ITFG1: variants seen among roughly 807,000 people sequenced by gnomAD.
The protein encoded by ITFG1 is T-cell immunomodulatory protein.
Under a neutral mutation model 81.8 loss-of-function variants are expected in ITFG1, and 34 were observed. The ratio of observed to expected loss-of-function variants is 0.42; its 90% CI spans 0.32 to 0.55. The LOEUF is 0.55. Among genes scored for constraint, ITFG1 ranks in the 20% least tolerant of loss-of-function variants. The pLI is 0.17. For missense variants in ITFG1, 672 were observed against 755.4 expected, an observed-to-expected ratio of 0.89 and a Z score of 1.29; for synonymous variants, 285 against 270.6, an observed-to-expected ratio of 1.05 and a Z score of -0.52.
intron 8 of ITFG1, among the ~76,000 whole-genome samples, chr16:47,350,871 C>T (rs1018433663): frequency 1.3e-5 from 2 of 152,176 alleles, no homozygotes; most frequent in African/African-American, 4.8e-5. Flanking sequence ...CCACCATGAT[C>T]AAGTGGGCTT....
chr16:47,229,052 C>T (rs553328820), intron 13 of ITFG1, among the ~76,000 whole-genome samples: 1 of 152,248 alleles, frequency 6.6e-6, no homozygotes, highest in Admixed American at 6.5e-5. Flanking sequence ...TTTATTCATA[C>T]CTCAAATATT....
chr16:47,262,999 C>T (rs972422141), intron 10 of ITFG1: 6 of 186,192 alleles, frequency 3.2e-5, no homozygotes, highest in Non-Finnish European at 5.8e-5. Context: ...AACCCCTACC[C>T]GAAGCCATCA....
chr16:47,392,066 G>A (rs890162550), intron 6 of ITFG1, among the ~76,000 whole-genome samples: 2 of 152,168 alleles, frequency 1.3e-5, no homozygotes, highest in East Asian at 3.9e-4. Context: ...GTGTCCATGT[G>A]GGAGGGGTGT....
At chr16:47,206,206 C>G (rs1318405285) in intron 14 of ITFG1, among the ~76,000 whole-genome samples, 2 of 152,112 alleles carry the variant, frequency 1.3e-5, no homozygotes, top group Non-Finnish European at 2.9e-5. Flanking sequence ...TATTTACTAT[C>G]TAAGCTATAA....
chr16:47,264,832 GATGACAGCAGCTGAGTATTAC>G (rs1250246536), intron 10 of ITFG1, among the ~76,000 whole-genome samples: 1 of 152,058 alleles, frequency 6.6e-6, no homozygotes, highest in Non-Finnish European at 1.5e-5. Context: ...TTCTTCTGAT[GATGACAGCAGCTGAGTATTAC>G]ATTTATGTTT....
chr16:47,203,560 T>G (rs1053811632), intron 14 of ITFG1, among the ~76,000 whole-genome samples: 3 of 152,148 alleles, frequency 2.0e-5, no homozygotes, highest in African/African-American at 7.2e-5. Context: ...AGGCATAGAT[T>G]CTCATAAGGA....
rs368894179 is a variant in ITFG1, at chr16:47,349,557, C to A, written c.802+16231G>T. Among the ~76,000 whole-genome samples the A allele has an allele frequency of 5.3e-5, 8 of 150,132 alleles. No individual in the cohort carries two copies. The East Asian group carries it at 9.9e-4, about 19-fold the overall frequency. On this transcript the variant is annotated intron_variant, in intron 8 of 17. Transcript: ENST00000320640. ...CAATACAGGAGCACCCAGATTCATACAGCAAGTCCTTAGAGACCTACACAG... is the reference window on the plus strand; with the variant it reads ...CAATACAGGAGCACCCAGATTCATAAAGCAAGTCCTTAGAGACCTACACAG...
At position 47,155,698 on chromosome 16, in the gene ITFG1, T is replaced by C; in HGVS notation, c.*21A>G. ...ACTAATCAAGTGAACAGCCATTCCA[T>C]TATGTAATATTAAAGGCAAGTCACA... On this transcript the variant is annotated 3_prime_UTR_variant, in exon 18 of 18. Transcript: ENST00000320640. The C allele has an allele frequency of 1.3e-6, 2 of 1,559,306 alleles. No homozygotes were observed. Among genetic ancestry groups the C allele is most frequent in the Admixed American group, 1.8e-5 (1 of 55,378 alleles).
chr16:47,441,099 G>A (rs888030203), intron 5 of ITFG1, among the ~76,000 whole-genome samples: 2 of 152,078 alleles, frequency 1.3e-5, no homozygotes, highest in Non-Finnish European at 2.9e-5. Context: ...TAAATTCCTC[G>A]ACACATACAC....
At chr16:47,299,284 G>A (rs1443441863) in intron 10 of ITFG1, among the ~76,000 whole-genome samples, 1 of 152,200 alleles carries the variant, frequency 6.6e-6, no homozygotes. Flanking sequence ...TAGGCAGTGC[G>A]TGCAGGTGAG....
intron 12 of ITFG1, among the ~76,000 whole-genome samples, chr16:47,244,541 G>C (rs1965974415): frequency 6.6e-6 from 1 of 150,892 alleles, no homozygotes; most frequent in African/African-American, 2.4e-5. Flanking sequence ...AACAAAGTTT[G>C]GTTTTGTCCT....
At chr16:47,330,159 T>A (rs1011758136) in intron 8 of ITFG1, among the ~76,000 whole-genome samples, 4 of 152,150 alleles carry the variant, frequency 2.6e-5, no homozygotes, top group African/African-American at 9.6e-5. Context: ...AAAAAAATGA[T>A]CTTTGACAAA....
At chr16:47,309,302 C>T (rs952358304) in intron 10 of ITFG1, among the ~76,000 whole-genome samples, 12 of 152,040 alleles carry the variant, frequency 7.9e-5, no homozygotes, top group Admixed American at 7.9e-4. Flanking sequence ...GATCTCTTGA[C>T]CTCATGATCC....
chr16:47,236,786 C>T (rs1243183802), intron 13 of ITFG1, among the ~76,000 whole-genome samples: 1 of 152,208 alleles, frequency 6.6e-6, no homozygotes, highest in Non-Finnish European at 1.5e-5. Context: ...CAAACATTCA[C>T]ATGCATGCTG....
intron 8 of ITFG1, among the ~76,000 whole-genome samples, chr16:47,351,396 A>T (rs903807102): frequency 5.3e-5 from 8 of 152,214 alleles, no homozygotes; most frequent in African/African-American, 1.9e-4. Context: ...CAAAAATCAC[A>T]AGCATTCTTA....
intron 5 of ITFG1, among the ~76,000 whole-genome samples, chr16:47,450,647 G>C (rs1224354281): frequency 6.6e-6 from 1 of 152,138 alleles, no homozygotes; most frequent in Non-Finnish European, 1.5e-5. Flanking sequence ...ATTGATAAGG[G>C]TGGTCCTTTG....
intron 8 of ITFG1, among the ~76,000 whole-genome samples, chr16:47,338,160 A>G (rs1370840920): frequency 6.6e-6 from 1 of 152,242 alleles, no homozygotes; most frequent in East Asian, 1.9e-4. Flanking sequence ...CTGTAATCCC[A>G]GCACTTTGGG....
intron 8 of ITFG1, 30 bp downstream of exon 8, chr16:47,365,757 GC>G (rs752435865): frequency 3.1e-5 from 33 of 1,065,564 alleles, no homozygotes; most frequent in South Asian, 1.3e-4. Flanking sequence ...AAAGGCAAAA[GC>G]CTTTTTTTTT....
intron 6 of ITFG1, among the ~76,000 whole-genome samples, chr16:47,410,490 A>G (rs1223460767): frequency 6.6e-6 from 1 of 152,106 alleles, no homozygotes; most frequent in Non-Finnish European, 1.5e-5. Flanking sequence ...CCCACTGAGA[A>G]AGACTAAAAT....
Sources: gnomAD v4.1 joint callset for allele counts (sites outside exome capture counted in the v4.1 genomes callset) on GRCh38, gnomAD v4.1.1 for gene constraint, MANE v1.5 for transcripts, NCBI Gene and HGNC (gene_info 2026-07-23, HGNC 2026-07-21) for gene names.